Variants in GPC6 observed in about 807,000 individuals in gnomAD.
The protein encoded by GPC6 is glypican 6.
Under a neutral mutation model 55.2 loss-of-function variants are expected in GPC6, and 14 were observed. The ratio of observed to expected loss-of-function variants is 0.25; its 90% CI spans 0.17 to 0.40. The LOEUF is 0.40. Ranked by LOEUF, GPC6 falls within the 10% of genes least tolerant of loss-of-function variation. The probability of loss-of-function intolerance (pLI) is 1.00; values close to 1 mark genes in which losing one functional copy is unlikely to be tolerated. For missense variants in GPC6, 641 were observed against 708.5 expected (o/e 0.90, Z 1.08); for synonymous variants, 278 against 259.6 (o/e 1.07, Z -0.68).
intron 6 of GPC6, among the ~76,000 whole-genome samples, chr13:94,358,565 A>G (rs1011233828): frequency 6.6e-6 from 1 of 152,186 alleles, no homozygotes; most frequent in African/African-American, 2.4e-5. Context: ...GAGAGATCAC[A>G]CTGTCTACTC....
intron 1 of GPC6, among the ~76,000 whole-genome samples, chr13:93,245,348 CTCTCCTTCCTTCCTTCAT>C (rs1418477628): frequency 6.6e-6 from 1 of 152,130 alleles, no homozygotes; most frequent in Non-Finnish European, 1.5e-5. Flanking sequence ...TTCTATTCTT[CTCTCCTTCCTTCCTTCAT>C]TCTTTCCCTC....
intron 6 of GPC6, among the ~76,000 whole-genome samples, chr13:94,333,652 G>A (rs534398065): frequency 6.6e-6 from 1 of 152,342 alleles, no homozygotes; most frequent in Admixed American, 6.5e-5. Context: ...AACCCTAAGA[G>A]TAGGGCATTC....
At chr13:93,312,816 C>A (rs1228146623) in intron 1 of GPC6, among the ~76,000 whole-genome samples, 1 of 152,088 alleles carries the variant, frequency 6.6e-6, no homozygotes. Context: ...TTGTTTAAAA[C>A]CTGATGTGCC....
chr13:93,339,835 G>T (rs1880179356), intron 1 of GPC6, among the ~76,000 whole-genome samples: 1 of 152,002 alleles, frequency 6.6e-6, no homozygotes, highest in African/African-American at 2.4e-5. Context: ...TTATGAAGTT[G>T]GGAGTTTAAG....
intron 3 of GPC6, among the ~76,000 whole-genome samples, chr13:93,885,847 A>G (rs1273482922): frequency 3.3e-5 from 5 of 152,150 alleles, no homozygotes; most frequent in Non-Finnish European, 5.9e-5. Context: ...AAATAGAGGA[A>G]ACCAAACCAA....
At chr13:93,361,482 T>A (rs537687346) in intron 1 of GPC6, among the ~76,000 whole-genome samples, 1 of 152,284 alleles carries the variant, frequency 6.6e-6, no homozygotes, top group East Asian at 1.9e-4. Context: ...ATGCCATAGA[T>A]GTTCATAAGA....
intron 1 of GPC6, among the ~76,000 whole-genome samples, chr13:93,432,062 T>C (rs1877381694): frequency 6.6e-6 from 1 of 152,182 alleles, no homozygotes; most frequent in African/African-American, 2.4e-5. Context: ...TCACTATCAA[T>C]TGCAGCATCC....
At position 93,380,716 on chromosome 13, in the gene GPC6, G is replaced by A. The variant is rs1270069041; in HGVS notation, c.160+153100G>A. Among the ~76,000 whole-genome samples, 3 of 152,078 alleles carry A rather than the reference G, an allele frequency of 2.0e-5. No individual in the cohort carries two copies. In the East Asian group the frequency reaches 5.8e-4, roughly 29 times the overall value. On this transcript the variant is annotated intron_variant, in intron 1 of 8. Transcript: ENST00000377047. ...GGAAAAGCAGTCAGGCAAATTGTTGGTGATATTAATACTCTGCACTATATG... is the reference window on the plus strand; with the variant it reads ...GGAAAAGCAGTCAGGCAAATTGTTGATGATATTAATACTCTGCACTATATG...
chr13:94,306,329 T>A, intron 6 of GPC6: 1 of 666,712 alleles, frequency 1.5e-6, no homozygotes, highest in Non-Finnish European at 2.7e-6. Context: ...ATTAATCCAT[T>A]AAGAAACTAT....
At chr13:93,677,977 A>G (rs1320235522) in intron 2 of GPC6, among the ~76,000 whole-genome samples, 1 of 152,158 alleles carries the variant, frequency 6.6e-6, no homozygotes, top group Non-Finnish European at 1.5e-5. Flanking sequence ...AAAAATTTAA[A>G]TACTAAAAGG....
At chr13:94,349,168 AG>A (rs1278112312) in intron 6 of GPC6, among the ~76,000 whole-genome samples, 1 of 152,166 alleles carries the variant, frequency 6.6e-6, no homozygotes, top group Non-Finnish European at 1.5e-5. Flanking sequence ...TAGAAACTGC[AG>A]GGTCATCACC....
In GPC6 at chr13:93,912,466, G is replaced by A. The variant is rs188856457; in HGVS notation, c.711+81921G>A. On this transcript the variant is annotated intron_variant, in intron 3 of 8. Coordinates refer to ENST00000377047, the MANE Select transcript of GPC6 (RefSeq NM_005708.5). ...GGCTCAAAACAAGACAAATTCGGCC[G>A]GGTGCAGTGGCTCACGCCTGTAATC... Among the ~76,000 whole-genome samples, 40 of 152,234 alleles carry A rather than the reference G, an allele frequency of 2.6e-4. 2 individuals are homozygous for A. In the East Asian group the frequency reaches 6.2e-3, roughly 24 times the overall value.
intron 1 of GPC6, among the ~76,000 whole-genome samples, chr13:93,418,723 C>A (rs1469725496): frequency 6.6e-6 from 1 of 151,406 alleles, no homozygotes; most frequent in East Asian, 2.0e-4. Flanking sequence ...TAGCACTATA[C>A]CGTAGTGTCA....
intron 3 of GPC6, among the ~76,000 whole-genome samples, chr13:93,883,605 T>C (rs1027194137): frequency 6.6e-6 from 1 of 152,182 alleles, no homozygotes; most frequent in African/African-American, 2.4e-5. Flanking sequence ...GTATCTTCTT[T>C]TGAGAATTGT....
chr13:94,341,978 C>T (rs1401520853), intron 6 of GPC6, among the ~76,000 whole-genome samples: 4 of 152,126 alleles, frequency 2.6e-5, no homozygotes, highest in African/African-American at 9.7e-5. Context: ...TAAAGGTGTA[C>T]CATAAAACAG....
At chr13:93,634,457 T>A (rs1879609092) in intron 2 of GPC6, among the ~76,000 whole-genome samples, 1 of 152,198 alleles carries the variant, frequency 6.6e-6, no homozygotes, top group South Asian at 2.1e-4. Context: ...ATAAAGATTG[T>A]GTTCATATGC....
intron 3 of GPC6, among the ~76,000 whole-genome samples, chr13:93,927,689 A>T (rs1246480079): frequency 3.6e-5 from 1 of 27,406 alleles, no homozygotes; most frequent in Non-Finnish European, 7.8e-5. Context: ...TTCTTTGTGA[A>T]AAAAAAAAAA....
chr13:94,128,803 G>A (rs536522665), intron 4 of GPC6, among the ~76,000 whole-genome samples: 4 of 152,210 alleles, frequency 2.6e-5, no homozygotes, highest in African/African-American at 9.6e-5. Flanking sequence ...CCTTATGTTA[G>A]CATATCTTTA....
At chr13:94,042,643 A>G (rs1461525761) in intron 4 of GPC6, among the ~76,000 whole-genome samples, 1 of 151,702 alleles carries the variant, frequency 6.6e-6, no homozygotes, top group Non-Finnish European at 1.5e-5. Context: ...GATATTTTCT[A>G]GTGTCTGCTG....
Sources: allele counts gnomAD v4.1 joint callset (sites outside exome capture counted in the v4.1 genomes callset), GRCh38; gene constraint gnomAD v4.1.1; transcripts MANE v1.5; gene names NCBI Gene and HGNC (gene_info 2026-07-23, HGNC 2026-07-21).